The following PKIB variants were observed in gnomAD, a reference collection of about 807,000 sequenced individuals.
The protein encoded by PKIB is cAMP-dependent protein kinase inhibitor beta, also known as PKI-beta.
In PKIB, 2 loss-of-function variants were observed where a neutral mutation model predicts 4.5. The observed-to-expected ratio is 0.44, with a 90% CI of 0.18 to 1.39. The LOEUF is 1.39. PKIB is among the 40% of genes most tolerant of loss of function. The probability of loss-of-function intolerance (pLI) is 0.27; values close to 1 mark genes in which losing one functional copy is unlikely to be tolerated. For synonymous variants in PKIB, 38 were observed against 36.0 expected, an observed-to-expected ratio of 1.06 and a Z score of -0.20; for missense variants, 94 against 92.6, an observed-to-expected ratio of 1.02 and a Z score of -0.06.
At chr6:122,541,227 G>T (rs1777587423) in intron 2 of PKIB, among the ~76,000 whole-genome samples, 1 of 152,080 alleles carries the variant, frequency 6.6e-6, no homozygotes. Flanking sequence ...CTGTCATTAT[G>T]ATGTTAGCTG....
intron 3 of PKIB, among the ~76,000 whole-genome samples, chr6:122,711,716 T>C (rs1779280028): frequency 6.6e-6 from 1 of 152,186 alleles, no homozygotes; most frequent in African/African-American, 2.4e-5. Flanking sequence ...TAAGTGGCCT[T>C]ATGTTAGTAT....
intron 2 of PKIB, among the ~76,000 whole-genome samples, chr6:122,552,867 G>A (rs763082948): frequency 2.7e-4 from 41 of 152,290 alleles, no homozygotes; most frequent in Non-Finnish European, 5.6e-4. Context: ...TTTAGGGCTA[G>A]TGGTGGGGTT....
In PKIB at chr6:122,535,661, G is replaced by C. The variant is rs1777385194; in HGVS notation, c.-247-50260G>C. 2.0e-5 allele frequency among the ~76,000 whole-genome samples: 3 copies of C among 152,172 alleles called. No homozygotes were observed. In the South Asian group the frequency reaches 6.2e-4, roughly 31 times the overall value. On this transcript the variant is annotated intron_variant, in intron 2 of 6. Coordinates refer to the PKIB transcript ENST00000392491. The stretch of plus-strand genomic sequence containing the variant: ...AACCTGGACAGAGGAGAAGTAAACT[G>C]TTGAAAAGTTAGGCACACAGGCTTG...
chr6:122,702,107 C>T (rs183708060), intron 3 of PKIB, among the ~76,000 whole-genome samples: 13 of 152,132 alleles, frequency 8.5e-5, no homozygotes, highest in East Asian at 1.9e-4. Flanking sequence ...TGGATGGAAA[C>T]GGGGGAAAGA....
At chr6:122,614,431 C>A (rs1774899745) in intron 1 of PKIB, among the ~76,000 whole-genome samples, 1 of 152,206 alleles carries the variant, frequency 6.6e-6, no homozygotes, top group African/African-American at 2.4e-5. Context: ...CCCAGACTCT[C>A]CCTTCCTGCA....
At chr6:122,503,295 T>G (rs1448665230) in intron 2 of PKIB, among the ~76,000 whole-genome samples, 2 of 152,168 alleles carry the variant, frequency 1.3e-5, no homozygotes, top group East Asian at 3.9e-4. Flanking sequence ...TTGTAGAGAT[T>G]CAAAAGTCAC....
intron 3 of PKIB, among the ~76,000 whole-genome samples, chr6:122,705,885 C>T (rs144285675): frequency 6.6e-6 from 1 of 152,202 alleles, no homozygotes; most frequent in East Asian, 1.9e-4. Context: ...CTCATACACA[C>T]CTTTACTATG....
chr6:122,611,773 C>T (rs1251285371), intron 1 of PKIB, among the ~76,000 whole-genome samples: 1 of 152,146 alleles, frequency 6.6e-6, no homozygotes, highest in South Asian at 2.1e-4. Context: ...CCATAATGCT[C>T]ACGGAAAATG....
intron 2 of PKIB, among the ~76,000 whole-genome samples, chr6:122,568,598 A>G (rs916548637): frequency 9.2e-5 from 14 of 152,222 alleles, no homozygotes; most frequent in Admixed American, 9.2e-4. Context: ...CAAGAAAGCC[A>G]TTACTGACTA....
At chr6:122,562,230 G>C (rs556736695) in intron 2 of PKIB, among the ~76,000 whole-genome samples, 1 of 151,996 alleles carries the variant, frequency 6.6e-6, no homozygotes, top group East Asian at 1.9e-4. Flanking sequence ...AGTTTTGCTG[G>C]ATACAAAATT....
chr6:122,605,533 C>T (rs1006558678), upstream of PKIB, among the ~76,000 whole-genome samples: 6 of 152,174 alleles, frequency 3.9e-5, no homozygotes, highest in Non-Finnish European at 8.8e-5. Flanking sequence ...GCCTCTCCCA[C>T]AGGTGAATCT....
chr6:122,564,190 G>T (rs1256196119), intron 2 of PKIB, among the ~76,000 whole-genome samples: 1 of 152,136 alleles, frequency 6.6e-6, no homozygotes, highest in Non-Finnish European at 1.5e-5. Context: ...AGTTTTTGGG[G>T]TATCTCCAGG....
upstream of PKIB, among the ~76,000 whole-genome samples, chr6:122,606,787 G>C (rs913223794): frequency 1.3e-5 from 2 of 152,018 alleles, no homozygotes; most frequent in African/African-American, 4.8e-5. Context: ...GGAGTATGAT[G>C]ATGGTAACTA....
Position 122,588,236 on chromosome 6 carries a change from A to C in PKIB, c.-161+2229A>C, listed in dbSNP as rs1017227179. On this transcript the variant is annotated intron_variant, in intron 3 of 6. Coordinates refer to the PKIB transcript ENST00000392491. ...GGAAGGGATCGAGTTTCAGCTTTCT[A>C]CATATGGCTAGCCAGTTTTCCCAGC... is the stretch of plus-strand genomic sequence containing the variant. 2.0e-5 allele frequency among the ~76,000 whole-genome samples: 3 copies of C among 152,242 alleles called. No homozygotes were observed. In the East Asian group the frequency reaches 5.8e-4, roughly 29 times the overall value.
At chr6:122,715,664 T>TAC (rs910980855) in intron 3 of PKIB, among the ~76,000 whole-genome samples, 6 of 150,282 alleles carry the variant, frequency 4.0e-5, no homozygotes, top group South Asian at 2.1e-4. Flanking sequence ...TATATATATA[T>TAC]ACATACACAT....
At chr6:122,579,196 G>A (rs1162129530) in intron 2 of PKIB, among the ~76,000 whole-genome samples, 2 of 152,154 alleles carry the variant, frequency 1.3e-5, no homozygotes, top group East Asian at 3.9e-4. Context: ...ACTTTCCAAA[G>A]TTTATTTTCA....
intron 3 of PKIB, among the ~76,000 whole-genome samples, chr6:122,678,671 A>G (rs368129060): frequency 1.8e-4 from 27 of 152,170 alleles, no homozygotes; most frequent in African/African-American, 6.0e-4. Context: ...TCCTAGTTTC[A>G]AAAGCATTCA....
chr6:122,688,731 T>C (rs981300531), intron 3 of PKIB, among the ~76,000 whole-genome samples: 1 of 152,070 alleles, frequency 6.6e-6, no homozygotes, highest in Non-Finnish European at 1.5e-5. Context: ...TTCTTCTAGA[T>C]TTTCCAATTT....
At chr6:122,654,644 C>G (rs984513453) in intron 2 of PKIB, among the ~76,000 whole-genome samples, 6 of 152,198 alleles carry the variant, frequency 3.9e-5, no homozygotes, top group African/African-American at 1.4e-4. Flanking sequence ...TGTAAACCTA[C>G]ATTTTGGTGT....
Sources: gnomAD v4.1 joint callset for allele counts (sites outside exome capture counted in the v4.1 genomes callset) on GRCh38, gnomAD v4.1.1 for gene constraint, MANE v1.5 for transcripts, NCBI Gene and HGNC (gene_info 2026-07-23, HGNC 2026-07-21) for gene names.